Variants in BBS5 observed in about 807,000 individuals in gnomAD.
BBS5 encodes BBSome complex member BBS5.
A neutral mutation model predicts 50.2 loss-of-function variants in BBS5; 39 were observed. The observed-to-expected ratio is 0.78, with a 90% CI of 0.60 to 1.01. The LOEUF is 1.01. BBS5 is among the 50% of genes least tolerant of loss of function. The pLI is 0.00. For missense variants in BBS5, 356 were observed against 401.5 expected (o/e 0.89, Z 0.97); for synonymous variants, 134 against 133.1 (o/e 1.01, Z -0.05).
rs1574337669 is a variant in BBS5 at position 169,489,212 on chromosome 2, A to G, written c.386+1098A>G. ...GTGGTGGCGCACGTCTGTAATCCCA[A>G]CACTTTGGGAGGCTGAGGTGGGTGG... On this transcript the variant is annotated intron_variant, in intron 5 of 11. Transcript: ENST00000295240. Among the ~76,000 whole-genome samples, 3 of 151,910 alleles carry G rather than the reference A, an allele frequency of 2.0e-5. No homozygotes were observed. In the South Asian group the frequency reaches 6.2e-4, roughly 32 times the overall value.
Position 169,504,591 on chromosome 2 carries a change from G to C in BBS5, c.*9G>C. 6.4e-7 allele frequency: 1 copy of C among 1,574,540 alleles called. No individual in the cohort carries two copies. Among genetic ancestry groups the C allele is most frequent in the Non-Finnish European group, 8.7e-7 (1 of 1,143,962 alleles). On this transcript the variant is annotated 3_prime_UTR_variant, in exon 12 of 12. Transcript: ENST00000295240. The stretch of plus-strand genomic sequence containing the variant: ...GGGAAGTAATGAGTTGATTGACCTT[G>C]AGTTGAGATGGATTTCTATTAAAGA...
rs1402971142 is a variant in BBS5, at chr2:169,492,963, A to G, written c.476A>G (p.His159Arg). Residue 159 changes from histidine to arginine, a missense_variant, in exon 6 of 12, where the codon CAT becomes CGT. Transcript: ENST00000295240. ...NKQLRLLPQE[H>R]VYDKINGVWN... The stretch of plus-strand genomic sequence containing the variant: ...CAACTAAGACTGTTGCCACAAGAAC[A>G]TGTATATGATAAAATAAATGGAGTT... 2 of 1,613,702 alleles carry G rather than the reference A, an allele frequency of 1.2e-6. No homozygotes were observed. The highest frequency in any genetic ancestry group is 1.7e-5 in the Admixed American group (1 of 60,030).
At chr2:169,501,776 ATAATCTTTCTTACAAAGTTAT>A (rs1241879989) in intron 9 of BBS5, among the ~76,000 whole-genome samples, 3 of 152,182 alleles carry the variant, frequency 2.0e-5, no homozygotes, top group Non-Finnish European at 4.4e-5. Context: ...AAAAACAGAC[ATAATCTTTCTTACAAAGTTAT>A]TGATCATGTC....
chr2:169,505,829 G>C lies in BBS5; in HGVS notation c.*1247G>C, dbSNP rs1396940153. ...GCCACCCAGTCCGGGAGGGAGGTGG[G>C]GGGGTCAGTCCCCCGTCCGGCCAGC... On this transcript the variant is annotated 3_prime_UTR_variant, in exon 12 of 12. Coordinates refer to ENST00000295240, the MANE Select transcript of BBS5 (RefSeq NM_152384.3). 1 of 164,368 alleles carries C rather than the reference G, an allele frequency of 6.1e-6. No individual in the cohort carries two copies. Among genetic ancestry groups the C allele is most frequent in the African/African-American group, 2.4e-5 (1 of 41,324 alleles). 10.2% of individuals were successfully genotyped at this position (164,368 alleles called of 1,614,324 possible).
chr2:169,505,090 G>C lies in BBS5; in HGVS notation c.*508G>C. On this transcript the variant is annotated 3_prime_UTR_variant, in exon 12 of 12. Coordinates refer to ENST00000295240, the MANE Select transcript of BBS5 (RefSeq NM_152384.3). ...CTGCCTCAGCCTGCCGAGTGCCTGC[G>C]ATTACAGGCGCGCGCCGCCACACCT... The C allele has an allele frequency of 4.5e-6, 5 of 1,118,992 alleles. No homozygotes were observed. In the East Asian group the frequency reaches 1.2e-4, roughly 27 times the overall value. The allele number at this position is 1,118,992 out of a possible 1,614,324, so 69.3% of individuals were successfully genotyped here. A position where few individuals can be genotyped will look rare whatever the true frequency, so the allele number is the denominator to read the frequency against.
intron 7 of BBS5, among the ~76,000 whole-genome samples, chr2:169,494,686 A>C (rs1683663186): frequency 6.6e-6 from 1 of 152,242 alleles, no homozygotes; most frequent in South Asian, 2.1e-4. Flanking sequence ...TCAGTGAAAC[A>C]AACTGTAAAC....
At chr2:169,489,851 CTTTTTTTTTTTTTT>C (rs71003093) in intron 5 of BBS5, among the ~76,000 whole-genome samples, 100 of 65,844 alleles carry the variant, frequency 1.5e-3, no homozygotes, top group African/African-American at 7.7e-3. Flanking sequence ...CATAAATTTC[CTTTTTTTTTTTTTT>C]TTTTTTTTTT....
chr2:169,500,930 G>A (rs1559125744), intron 9 of BBS5, among the ~76,000 whole-genome samples: 1 of 152,018 alleles, frequency 6.6e-6, no homozygotes, highest in Non-Finnish European at 1.5e-5. Flanking sequence ...TACTTTTGTG[G>A]ATGACTGTAG....
intron 5 of BBS5, among the ~76,000 whole-genome samples, chr2:169,491,072 T>C (rs1202948273): frequency 6.6e-6 from 1 of 152,224 alleles, no homozygotes; most frequent in African/African-American, 2.4e-5. Context: ...CATGAGTTGA[T>C]GGACATTTGG....
chr2:169,484,941 G>A (rs114060807), intron 2 of BBS5, among the ~76,000 whole-genome samples: 85 of 151,644 alleles, frequency 5.6e-4, no homozygotes, highest in African/African-American at 2.0e-3. Context: ...CTGGAACACT[G>A]GGTTTGGAGC....
chr2:169,499,334 T>C, intron 8 of BBS5, 152 bp from the exon 9 acceptor site: 1 of 813,998 alleles, frequency 1.2e-6, no homozygotes, highest in South Asian at 1.9e-5. Context: ...TTGTATGTGC[T>C]TGAAATTTTT....
chr2:169,496,351 A>G (rs974198685), intron 7 of BBS5, among the ~76,000 whole-genome samples: 45 of 152,168 alleles, frequency 3.0e-4, no homozygotes, highest in Non-Finnish European at 5.4e-4. Flanking sequence ...ATCTATCCCA[A>G]CCTTCCTTGA....
At chr2:169,502,081 T>G (rs1683816065) in intron 9 of BBS5, among the ~76,000 whole-genome samples, 1 of 152,080 alleles carries the variant, frequency 6.6e-6, no homozygotes, top group Non-Finnish European at 1.5e-5. Context: ...TTAATCAGCC[T>G]CCTCCACTAT....
intron 8 of BBS5, among the ~76,000 whole-genome samples, chr2:169,498,148 T>C (rs1012100442): frequency 2.6e-5 from 4 of 152,224 alleles, no homozygotes; most frequent in African/African-American, 9.6e-5. Context: ...CACAAACATA[T>C]ATTTGTGTAC....
chr2:169,490,713 T>A (rs1450074081), intron 5 of BBS5, among the ~76,000 whole-genome samples: 2 of 152,232 alleles, frequency 1.3e-5, no homozygotes, highest in Non-Finnish European at 1.5e-5. Context: ...TCAATAGTTT[T>A]AGTATATTCA....
chr2:169,497,595 T>G (rs527744226), intron 7 of BBS5, 32 bp from the exon 8 acceptor site: 1 of 1,301,966 alleles, frequency 7.7e-7, no homozygotes, highest in African/African-American at 1.5e-5. Context: ...TAATAAAAAC[T>G]TGCATGTTTT....
At position 169,487,858 on chromosome 2, in the gene BBS5, A is replaced by G; in HGVS notation, c.258+3A>G. The G allele has an allele frequency of 1.9e-6, 3 of 1,600,706 alleles. No individual in the cohort carries two copies. In the South Asian group the frequency reaches 3.3e-5, roughly 18 times the overall value. On this transcript the variant is annotated splice_donor_region_variant and intron_variant, in intron 4 of 11. Transcript: ENST00000295240. ...TTACAACAAGGACTGCTAACTCTGT[A>G]AGTCTAAAAAATCTTATTGCAATAT... is the stretch of plus-strand genomic sequence containing the variant.
chr2:169,497,938 T>C (rs1434916469), intron 8 of BBS5, among the ~76,000 whole-genome samples: 1 of 152,226 alleles, frequency 6.6e-6, no homozygotes, highest in Non-Finnish European at 1.5e-5. Flanking sequence ...AATCAAGTCA[T>C]TGTGCCGAGG....
intron 9 of BBS5, among the ~76,000 whole-genome samples, chr2:169,501,280 T>G (rs952212723): frequency 3.3e-5 from 5 of 152,244 alleles, no homozygotes; most frequent in African/African-American, 1.2e-4. Context: ...ATTTTACACT[T>G]TCAGTCATAC....
Sources: allele counts gnomAD v4.1 joint callset (sites outside exome capture counted in the v4.1 genomes callset), GRCh38; gene constraint gnomAD v4.1.1; transcripts MANE v1.5; gene names NCBI Gene and HGNC (gene_info 2026-07-23, HGNC 2026-07-21).